Variants in SPECC1 observed in about 807,000 individuals in gnomAD.
SPECC1 encodes cytospin-B.
A neutral mutation model predicts 104.1 loss-of-function variants in SPECC1; 62 were observed. The ratio of observed to expected loss-of-function variants is 0.60; its 90% CI spans 0.49 to 0.74. SPECC1 has a LOEUF of 0.74. Ranked by LOEUF, SPECC1 falls within the 30% of genes least tolerant of loss-of-function variation. SPECC1 has a pLI of 0.00. For synonymous variants in SPECC1, 513 were observed against 501.6 expected, an observed-to-expected ratio of 1.02 and a Z score of -0.30; for missense variants, 1,306 against 1,310.5, an observed-to-expected ratio of 1.00 and a Z score of 0.05.
chr17:20,023,548 C>A (rs115766722), intron 1 of SPECC1, among the ~76,000 whole-genome samples: 1,822 of 152,134 alleles, frequency 0.012, 33 homozygotes, highest in African/African-American at 0.041. Flanking sequence ...CAGGGCATGT[C>A]AGGTAAGACG....
At chr17:20,221,122 T>C (rs1002782353) in intron 4 of SPECC1, among the ~76,000 whole-genome samples, 1 of 152,206 alleles carries the variant, frequency 6.6e-6, no homozygotes, top group Non-Finnish European at 1.5e-5. Flanking sequence ...CCTATAGTTT[T>C]CTTTTTTTCA....
chr17:20,144,567 G>T (rs1162245256), intron 3 of SPECC1, among the ~76,000 whole-genome samples: 1 of 152,078 alleles, frequency 6.6e-6, no homozygotes, highest in African/African-American at 2.4e-5. Flanking sequence ...AAATACATAG[G>T]AAGGTGTTCA....
chr17:20,117,495 A>G (rs774534101), intron 3 of SPECC1, among the ~76,000 whole-genome samples: 1 of 152,086 alleles, frequency 6.6e-6, no homozygotes, highest in Non-Finnish European at 1.5e-5. Context: ...CAATAAGAAA[A>G]AGAAAAATAG....
chr17:20,276,221 A>G (rs952995376), intron 12 of SPECC1, among the ~76,000 whole-genome samples: 2 of 151,822 alleles, frequency 1.3e-5, no homozygotes, highest in Admixed American at 6.6e-5. Context: ...GGCTCAAGCA[A>G]TCCTCTTTTC....
chr17:20,034,763 G>A (rs1313400682), intron 1 of SPECC1, among the ~76,000 whole-genome samples: 2 of 151,884 alleles, frequency 1.3e-5, no homozygotes, highest in Admixed American at 6.6e-5. Flanking sequence ...GTGCCACCAC[G>A]TCCAGCTAAT....
intron 12 of SPECC1, among the ~76,000 whole-genome samples, chr17:20,285,254 C>T (rs2040904057): frequency 6.6e-6 from 1 of 152,236 alleles, no homozygotes; most frequent in African/African-American, 2.4e-5. Context: ...GCTGTCTCTA[C>T]ATTCCCCCGT....
chr17:20,243,719 A>G (rs2039302036), intron 7 of SPECC1, among the ~76,000 whole-genome samples: 1 of 152,210 alleles, frequency 6.6e-6, no homozygotes, highest in Non-Finnish European at 1.5e-5. Context: ...GCCTGAGGTA[A>G]TTGATTCTTG....
chr17:20,308,257 C>T (rs1028615459), intron 14 of SPECC1, among the ~76,000 whole-genome samples: 2 of 151,606 alleles, frequency 1.3e-5, no homozygotes, highest in Non-Finnish European at 2.9e-5. Flanking sequence ...GGTGTGGTGG[C>T]GGGCACCTGT....
intron 3 of SPECC1, among the ~76,000 whole-genome samples, chr17:20,110,962 T>C (rs1034706088): frequency 6.6e-6 from 1 of 152,022 alleles, no homozygotes; most frequent in Non-Finnish European, 1.5e-5. Context: ...CTGAACCCTA[T>C]GGAAAGCTGG....
At chr17:20,216,574 C>T (rs1294572324) in intron 4 of SPECC1, among the ~76,000 whole-genome samples, 2 of 152,060 alleles carry the variant, frequency 1.3e-5, no homozygotes, top group East Asian at 3.9e-4. Context: ...AGGGGTCTGA[C>T]TTCAGAGCTG....
intron 3 of SPECC1, chr17:20,112,052 T>C: frequency 1.3e-6 from 1 of 767,736 alleles, no homozygotes; most frequent in Non-Finnish European, 2.4e-6. Flanking sequence ...TGACAGATTC[T>C]AAACCACCTG....
At chr17:20,234,971 G>A (rs1160877106) in intron 7 of SPECC1, among the ~76,000 whole-genome samples, 3 of 152,218 alleles carry the variant, frequency 2.0e-5, no homozygotes, top group Admixed American at 6.5e-5. Context: ...GAAGGAAGGC[G>A]GTAGCCTCAT....
chr17:20,307,616 C>T lies in SPECC1; in HGVS notation c.3117+1534C>T, dbSNP rs114006340. On this transcript the variant is annotated intron_variant, in intron 14 of 14. Coordinates refer to ENST00000395527, the MANE Select transcript of SPECC1 (RefSeq NM_001243439.2). Reference sequence around the variant, plus strand: ...TTCAGTTTCTTTAGTGGGAAGCCTGCGAGGGAGAGAGCTTGGGAATGACTG... The same window carrying T: ...TTCAGTTTCTTTAGTGGGAAGCCTGTGAGGGAGAGAGCTTGGGAATGACTG... Among the ~76,000 whole-genome samples the T allele has an allele frequency of 8.1e-3, 1,234 of 152,156 alleles. 18 individuals are homozygous for T. The highest frequency in any genetic ancestry group is 0.028 in the African/African-American group (1,172 of 41,492).
chr17:20,246,184 G>T (rs2039415424), intron 8 of SPECC1, 113 bp downstream of exon 8: 3 of 1,328,956 alleles, frequency 2.3e-6, no homozygotes, highest in East Asian at 2.5e-5. Context: ...AACCACAAGG[G>T]CGCTTTCCAG....
At chr17:20,298,061 T>C (rs1165637605) in intron 13 of SPECC1, among the ~76,000 whole-genome samples, 1 of 152,136 alleles carries the variant, frequency 6.6e-6, no homozygotes, top group African/African-American at 2.4e-5. Context: ...ATGTCAGAAC[T>C]GGTGTTGGGG....
chr17:20,099,547 T>C (rs1449996397), intron 2 of SPECC1, among the ~76,000 whole-genome samples: 1 of 146,588 alleles, frequency 6.8e-6, no homozygotes, highest in African/African-American at 2.5e-5. Context: ...AAATTAGCCT[T>C]AGCCGGGCGT....
chr17:20,246,400 A>G (rs1243431850), intron 8 of SPECC1, among the ~76,000 whole-genome samples: 3 of 152,152 alleles, frequency 2.0e-5, no homozygotes, highest in African/African-American at 7.2e-5. Flanking sequence ...TTGTCATCTC[A>G]TGAGAATTAT....
At chr17:20,096,524 CT>C in intron 1 of SPECC1, 106 bp from the exon 2 acceptor site, 1 of 1,283,946 alleles carries the variant, frequency 7.8e-7, no homozygotes, top group Non-Finnish European at 1.1e-6. Context: ...GGTGCTCCTA[CT>C]CTGTGATAGT....
chr17:20,171,072 T>C (rs370459037), intron 3 of SPECC1, among the ~76,000 whole-genome samples: 79 of 152,350 alleles, frequency 5.2e-4, no homozygotes, highest in Middle Eastern at 6.8e-3. Flanking sequence ...AAAACTGTTA[T>C]GAAAATTATC....
Sources: allele counts gnomAD v4.1 joint callset (sites outside exome capture counted in the v4.1 genomes callset), GRCh38; gene constraint gnomAD v4.1.1; transcripts MANE v1.5; gene names NCBI Gene and HGNC (gene_info 2026-07-23, HGNC 2026-07-21).